The following CCDC7 variants were observed in gnomAD, a reference collection of about 807,000 sequenced individuals.
CCDC7 encodes coiled-coil domain containing 7.
Under a neutral mutation model 196.9 loss-of-function variants are expected in CCDC7, and 183 were observed. That is an observed-to-expected ratio of 0.93 (90% CI 0.82 to 1.05). CCDC7 has a LOEUF of 1.05. CCDC7 is among the 50% of genes least tolerant of loss of function. The pLI is 0.00. For missense variants in CCDC7, 1,540 were observed against 1,482.2 expected (o/e 1.04, Z -0.64); for synonymous variants, 525 against 484.6 (o/e 1.08, Z -1.10).
chr10:32,597,414 C>T (rs2060505302), intron 18 of CCDC7, among the ~76,000 whole-genome samples: 1 of 152,088 alleles, frequency 6.6e-6, no homozygotes, highest in Non-Finnish European at 1.5e-5. Flanking sequence ...TCTAGTTAGC[C>T]ATTCGTCTAC....
intron 9 of CCDC7, among the ~76,000 whole-genome samples, chr10:32,508,696 C>T (rs1202602269): frequency 6.6e-6 from 1 of 151,934 alleles, no homozygotes; most frequent in Non-Finnish European, 1.5e-5. Flanking sequence ...CATCTCAGCT[C>T]ACTGCAACCT....
intron 39 of CCDC7, among the ~76,000 whole-genome samples, chr10:32,849,469 C>T (rs1171600515): frequency 6.6e-6 from 1 of 151,762 alleles, no homozygotes; most frequent in Non-Finnish European, 1.5e-5. Context: ...CTTTGGGAGG[C>T]CGAGGCAGGC....
At chr10:32,710,575 T>G (rs186926759) in intron 24 of CCDC7, among the ~76,000 whole-genome samples, 2 of 152,316 alleles carry the variant, frequency 1.3e-5, no homozygotes, top group Admixed American at 6.5e-5. Flanking sequence ...AACAATCCGC[T>G]AGCATTCTCT....
At chr10:32,859,525 G>T (rs910305056) in intron 41 of CCDC7, among the ~76,000 whole-genome samples, 1 of 151,866 alleles carries the variant, frequency 6.6e-6, no homozygotes, top group South Asian at 2.1e-4. Context: ...AAGCAAGAGC[G>T]AACAAATCCA....
chr10:32,858,783 T>C (rs933055617), intron 41 of CCDC7, among the ~76,000 whole-genome samples: 1 of 151,942 alleles, frequency 6.6e-6, no homozygotes, highest in Non-Finnish European at 1.5e-5. Context: ...TAGTCTCTGA[T>C]AAAACAGACT....
chr10:32,862,193 G>T (rs2094016335), intron 41 of CCDC7, among the ~76,000 whole-genome samples: 1 of 151,994 alleles, frequency 6.6e-6, no homozygotes, highest in South Asian at 2.1e-4. Flanking sequence ...TAGACTGGAT[G>T]AAGAAAATGT....
chr10:32,508,779 C>T lies in CCDC7; in HGVS notation c.873-9166C>T, dbSNP rs187406582. Among the ~76,000 whole-genome samples the T allele has an allele frequency of 2.6e-4, 40 of 151,700 alleles. No individual in the cohort carries two copies. The East Asian group carries it at 6.8e-3, about 26-fold the overall frequency. On this transcript the variant is annotated intron_variant, in intron 9 of 41. Coordinates refer to ENST00000639629, the Ensembl canonical transcript of CCDC7. The stretch of plus-strand genomic sequence containing the variant: ...CCAAGTAGCTGGGATTACAAGCGCC[C>T]GCCACCATGCCTGGCTAATTTTTTT...
At chr10:32,687,913 T>A (rs2076644040) in intron 22 of CCDC7, among the ~76,000 whole-genome samples, 1 of 152,164 alleles carries the variant, frequency 6.6e-6, no homozygotes, top group Admixed American at 6.5e-5. Flanking sequence ...GGCCAGAAGA[T>A]CCTTAGTGGG....
chr10:32,873,357 A>T (rs1361329254), intron 41 of CCDC7, among the ~76,000 whole-genome samples: 3 of 151,942 alleles, frequency 2.0e-5, no homozygotes, highest in Non-Finnish European at 4.4e-5. Context: ...TTCATCACAT[A>T]GTTCTCGTGC....
chr10:32,778,645 A>G (rs2134258071), intron 28 of CCDC7, among the ~76,000 whole-genome samples: 1 of 152,230 alleles, frequency 6.6e-6, no homozygotes, highest in South Asian at 2.1e-4. Context: ...TTTGCTTAGG[A>G]TTGCTTTGGC....
intron 8 of CCDC7, among the ~76,000 whole-genome samples, chr10:32,477,062 C>CA (rs2039102181): frequency 6.3e-5 from 1 of 15,976 alleles, no homozygotes; most frequent in South Asian, 0.015. Flanking sequence ...TCAAACTTAA[C>CA]ATTTTTTTTT....
intron 5 of CCDC7, among the ~76,000 whole-genome samples, chr10:32,463,779 C>T (rs7092575): frequency 0.042 from 6,450 of 152,174 alleles, 457 homozygotes; most frequent in African/African-American, 0.15. Context: ...TGACTATATC[C>T]TAGCATCTTC....
rs1442878243 is a variant in CCDC7, at chr10:32,658,825, T to C, written c.2015-5229T>C. On this transcript the variant is annotated intron_variant, in intron 20 of 41. Coordinates refer to ENST00000639629, the Ensembl canonical transcript of CCDC7. The stretch of plus-strand genomic sequence containing the variant: ...AATTTATACATTTGTTCTAGATTAT[T>C]CAATTTTTGGTGTATAATTGTTCAT... 4.6e-5 allele frequency among the ~76,000 whole-genome samples: 7 copies of C among 152,226 alleles called. No homozygotes were observed. The East Asian group carries it at 1.3e-3, about 29-fold the overall frequency.
chr10:32,722,929 T>C (rs1220373758), intron 25 of CCDC7, among the ~76,000 whole-genome samples: 4 of 152,154 alleles, frequency 2.6e-5, no homozygotes, highest in African/African-American at 7.2e-5. Flanking sequence ...CATAGGCACA[T>C]AGGGACCTTG....
chr10:32,828,546 GAA>G (rs2091727442), intron 32 of CCDC7, among the ~76,000 whole-genome samples: 1 of 147,392 alleles, frequency 6.8e-6, no homozygotes, highest in Non-Finnish European at 1.5e-5. Context: ...AGAAGAAGAA[GAA>G]GAAGAAGAAG....
At chr10:32,562,262 A>G (rs1010844702) in intron 13 of CCDC7, among the ~76,000 whole-genome samples, 1 of 152,334 alleles carries the variant, frequency 6.6e-6, no homozygotes, top group South Asian at 2.1e-4. Context: ...AACTATTCCA[A>G]TCAATAGAAA....
At chr10:32,649,937 G>T (rs2068438338) in intron 20 of CCDC7, among the ~76,000 whole-genome samples, 1 of 152,138 alleles carries the variant, frequency 6.6e-6, no homozygotes, top group Non-Finnish European at 1.5e-5. Flanking sequence ...GGCTTTCTTG[G>T]ATTGATTTTC....
intron 35 of CCDC7, 71 bp downstream of exon 36, chr10:32,845,697 C>T: frequency 7.3e-7 from 1 of 1,372,282 alleles, no homozygotes; most frequent in Non-Finnish European, 1.0e-6. Context: ...TAAGTGTGGA[C>T]ATTTAATGGC....
chr10:32,707,749 G>T (rs975593152), intron 24 of CCDC7, among the ~76,000 whole-genome samples: 5 of 151,960 alleles, frequency 3.3e-5, no homozygotes, highest in African/African-American at 9.7e-5. Context: ...AAACACCTGG[G>T]AATCCAACTT....
Sources: gnomAD v4.1 joint callset for allele counts (sites outside exome capture counted in the v4.1 genomes callset) on GRCh38, gnomAD v4.1.1 for gene constraint, MANE v1.5 for transcripts, NCBI Gene and HGNC (gene_info 2026-07-23, HGNC 2026-07-21) for gene names.